Variants in ANKRD45 observed in about 807,000 individuals in gnomAD.
ANKRD45 encodes ankyrin repeat domain-containing protein 45.
Under a neutral mutation model 28.1 loss-of-function variants are expected in ANKRD45, and 21 were observed. That is an observed-to-expected ratio of 0.75 (90% confidence interval 0.53 to 1.08). ANKRD45 has a LOEUF of 1.08. Among genes scored for constraint, ANKRD45 ranks in the 50% least tolerant of loss-of-function variants. ANKRD45 has a pLI of 0.00. For missense variants in ANKRD45, 261 were observed against 308.7 expected (o/e 0.85, Z 1.16); for synonymous variants, 86 against 103.9 (o/e 0.83, Z 1.05).
chr1:173,635,556 T>G, intron 3 of ANKRD45: 1 of 1,533,756 alleles, frequency 6.5e-7, no homozygotes. Context: ...ATTTTTTCTC[T>G]GTTGTTTATC....
intron 3 of ANKRD45, among the ~76,000 whole-genome samples, chr1:173,643,735 G>GT (rs1469485327): frequency 1.3e-5 from 2 of 151,832 alleles, no homozygotes; most frequent in Non-Finnish European, 2.9e-5. Flanking sequence ...TTGACTTAAA[G>GT]TATCTTGAAA....
intron 5 of ANKRD45, among the ~76,000 whole-genome samples, chr1:173,621,896 A>T (rs1667722258): frequency 6.6e-6 from 1 of 152,192 alleles, no homozygotes; most frequent in African/African-American, 2.4e-5. Context: ...ATGATCCTAT[A>T]TCTAGGAAAT....
At chr1:173,692,229 A>T in the ANKRD45 span, among the ~76,000 whole-genome samples, 1 of 152,208 alleles carries the variant, frequency 6.6e-6, no homozygotes, top group African/African-American at 2.4e-5. Context: ...TTGAAAATAA[A>T]TTTAGAATTC....
the ANKRD45 span, among the ~76,000 whole-genome samples, chr1:173,707,935 T>C: frequency 6.6e-6 from 1 of 152,228 alleles, no homozygotes; most frequent in Non-Finnish European, 1.5e-5. Flanking sequence ...CCCCACTGAT[T>C]TGAGATCACA....
chr1:173,647,808 AC>A (rs1396668063), intron 2 of ANKRD45, among the ~76,000 whole-genome samples: 1 of 135,832 alleles, frequency 7.4e-6, no homozygotes, highest in Non-Finnish European at 1.5e-5. Context: ...GTTTTTTCAG[AC>A]AGGTCTCACT....
chr1:173,613,235 C>G (rs1377576403), intron 5 of ANKRD45, among the ~76,000 whole-genome samples: 4 of 151,730 alleles, frequency 2.6e-5, no homozygotes, highest in African/African-American at 9.7e-5. Context: ...CACCTCTGCC[C>G]GGCCGCGACC....
intron 4 of ANKRD45, 78 bp from the exon 5 acceptor site, chr1:173,625,003 G>A (rs1172506054): frequency 1.3e-5 from 18 of 1,433,524 alleles, no homozygotes; most frequent in East Asian, 2.3e-5. Context: ...AAACCAGCAC[G>A]TCCAACTGAA....
the ANKRD45 span, among the ~76,000 whole-genome samples, chr1:173,677,975 G>A: frequency 2.0e-5 from 3 of 152,094 alleles, no homozygotes; most frequent in Non-Finnish European, 4.4e-5. Context: ...TTAGCACCAG[G>A]CCACAACAAA....
chr1:173,697,704 CA>C, the ANKRD45 span, among the ~76,000 whole-genome samples: 1 of 152,092 alleles, frequency 6.6e-6, no homozygotes, highest in Admixed American at 6.6e-5. Flanking sequence ...TCAGCTACTG[CA>C]AAAATACGCA....
the ANKRD45 span, among the ~76,000 whole-genome samples, chr1:173,693,773 G>C: frequency 6.6e-6 from 1 of 152,190 alleles, no homozygotes; most frequent in Admixed American, 6.5e-5. Context: ...GAAGGACTCT[G>C]TTCTCTAGCT....
In ANKRD45 at chr1:173,623,090, C is replaced by T. The variant is rs138684531; in HGVS notation, c.730+1697G>A. Among the ~76,000 whole-genome samples the T allele has an allele frequency of 3.8e-3, 574 of 151,062 alleles. 2 individuals carry two copies. Among genetic ancestry groups the T allele is most frequent in the African/African-American group, 0.012 (503 of 41,156 alleles). On this transcript the variant is annotated intron_variant, in intron 5 of 5. Transcript: ENST00000333279. ...CAGCAATTTGGGAGACTGAGGTGGG[C>T]GGACCACCTGAGGTCAGGAGTTCAA... is the stretch of plus-strand genomic sequence containing the variant.
intron 5 of ANKRD45, among the ~76,000 whole-genome samples, chr1:173,622,204 A>G (rs1287601684): frequency 2.6e-5 from 4 of 152,228 alleles, no homozygotes; most frequent in Admixed American, 6.5e-5. Context: ...GACAGGAAGA[A>G]CTAATATTAT....
At chr1:173,687,902 G>C in the ANKRD45 span, among the ~76,000 whole-genome samples, 1 of 152,018 alleles carries the variant, frequency 6.6e-6, no homozygotes, top group South Asian at 2.1e-4. Flanking sequence ...AGGTCTGGTC[G>C]GACCTTTGTG....
chr1:173,621,558 C>T (rs1667703562), intron 5 of ANKRD45, among the ~76,000 whole-genome samples: 1 of 152,152 alleles, frequency 6.6e-6, no homozygotes, highest in Non-Finnish European at 1.5e-5. Context: ...ACAAAAACCA[C>T]ATGATTATCT....
At chr1:173,644,914 A>G (rs1439873688) in intron 3 of ANKRD45, among the ~76,000 whole-genome samples, 2 of 151,646 alleles carry the variant, frequency 1.3e-5, no homozygotes, top group Non-Finnish European at 2.9e-5. Flanking sequence ...AATCACTTGA[A>G]CCCGGGAGGC....
intron 5 of ANKRD45, among the ~76,000 whole-genome samples, chr1:173,619,886 A>G (rs1214004224): frequency 1.3e-5 from 2 of 152,136 alleles, no homozygotes; most frequent in Non-Finnish European, 2.9e-5. Flanking sequence ...AAAGGGTTCA[A>G]TTCAACAAGA....
chr1:173,623,601 G>A (rs951232837), intron 5 of ANKRD45, among the ~76,000 whole-genome samples: 57 of 151,988 alleles, frequency 3.8e-4, no homozygotes, highest in African/African-American at 1.3e-3. Context: ...CAGCAATCCC[G>A]TTACTGGGTA....
At chr1:173,650,901 G>A (rs986229655) in intron 2 of ANKRD45, among the ~76,000 whole-genome samples, 2 of 152,162 alleles carry the variant, frequency 1.3e-5, no homozygotes, top group Non-Finnish European at 1.5e-5. Flanking sequence ...CTTCTTTTCA[G>A]AAGTGTCTGT....
chr1:173,626,085 TTTTG>T (rs1205435596), intron 4 of ANKRD45, among the ~76,000 whole-genome samples: 1 of 152,150 alleles, frequency 6.6e-6, no homozygotes, highest in African/African-American at 2.4e-5. Context: ...TTTGCCTACA[TTTTG>T]TTTGTTTCAC....
Sources: gnomAD v4.1 joint callset for allele counts (sites outside exome capture counted in the v4.1 genomes callset) on GRCh38, gnomAD v4.1.1 for gene constraint, MANE v1.5 for transcripts, NCBI Gene and HGNC (gene_info 2026-07-23, HGNC 2026-07-21) for gene names.